Variants in GNAS observed in about 807,000 individuals in gnomAD.
The protein encoded by GNAS is GNAS complex locus.
A neutral mutation model predicts 54.5 loss-of-function variants in GNAS; 8 were observed. The ratio of observed to expected loss-of-function variants is 0.15; its 90% CI spans 0.09 to 0.26. GNAS has a LOEUF of 0.26. Ranked by LOEUF, GNAS falls within the 10% of genes least tolerant of loss-of-function variation. The probability of loss-of-function intolerance (pLI) is 1.00; values close to 1 mark genes in which losing one functional copy is unlikely to be tolerated. For missense variants in GNAS, 170 were observed against 529.8 expected, an observed-to-expected ratio of 0.32 and a Z score of 6.67; for synonymous variants, 204 against 191.4, an observed-to-expected ratio of 1.07 and a Z score of -0.54.
intron 2 of GNAS, among the ~76,000 whole-genome samples, chr20:58,897,033 A>T (rs1448653464): frequency 6.6e-6 from 1 of 152,258 alleles, no homozygotes; most frequent in African/African-American, 2.4e-5. Flanking sequence ...TTAGAGAAGG[A>T]TGACATCACC....
At chr20:58,889,518 T>C (rs1244680803), upstream of GNAS, 1 of 203,868 alleles carries the variant, frequency 4.9e-6, no homozygotes, top group African/African-American at 2.4e-5. Context: ...TCCATTGGCG[T>C]GCCCAAGAGC....
At position 58,841,334 on chromosome 20, in the gene GNAS, G is replaced by C; in HGVS notation, c.43+448G>C. 1 of 1,059,894 alleles carries C rather than the reference G, an allele frequency of 9.4e-7. No homozygotes were observed. The highest frequency in any genetic ancestry group is 1.1e-6 in the Non-Finnish European group (1 of 876,042). The allele number at this position is 1,059,894 out of a possible 1,614,324, so 65.7% of individuals were successfully genotyped here. On this transcript the variant is annotated intron_variant, in intron 1 of 12. Transcript: ENST00000306090. This position sits in a 1 kb window ranked among gnomAD's most constrained non-coding sequence, Gnocchi z 5.0. ...CGGAGGTGCGCGCGCCAACTTTCACGATGTGAGAGCAGCCGCGCTGTAGAG... is the reference window on the plus strand; with the variant it reads ...CGGAGGTGCGCGCGCCAACTTTCACCATGTGAGAGCAGCCGCGCTGTAGAG...
chr20:58,847,315 T>C (rs181128471), intron 1 of GNAS, among the ~76,000 whole-genome samples: 1 of 152,218 alleles, frequency 6.6e-6, no homozygotes, highest in African/African-American at 2.4e-5. Context: ...TTTTTTCCTT[T>C]AGCTGGCATT....
At position 58,873,666 on chromosome 20, in the gene GNAS, C is replaced by G. The variant is rs2087609161; in HGVS notation, c.44-21946C>G. 6.6e-6 allele frequency among the ~76,000 whole-genome samples: 1 copy of G among 152,184 alleles called. No homozygotes were observed. Among genetic ancestry groups the G allele is most frequent in the South Asian group, 2.1e-4 (1 of 4,828 alleles). On this transcript the variant is annotated intron_variant, in intron 1 of 12. Coordinates refer to the GNAS transcript ENST00000306090. This position sits in a 1 kb window ranked among gnomAD's most constrained non-coding sequence, Gnocchi z 4.3. ...CGCCCCTTAGAAGGACGAATCCTTG[C>G]CTGGTCGGTGAGTTTGCCTCAATTC...
Position 58,855,718 on chromosome 20 carries a change from G to A in GNAS, c.43+14832G>A, listed in dbSNP as rs947714777. The stretch of plus-strand genomic sequence containing the variant: ...TGGCTAGGCTGGTGGGGTCCACGGT[G>A]GGCTGGGGTCATTGGGGAAGGCGCG... On this transcript the variant is annotated intron_variant, in intron 1 of 12. Transcript: ENST00000306090. 47 of 634,984 alleles carry A rather than the reference G, an allele frequency of 7.4e-5. No homozygotes were observed. The Admixed American group carries it at 1.0e-3, about 14-fold the overall frequency. The allele number at this position is 634,984 out of a possible 1,614,324, so 39.3% of individuals were successfully genotyped here. A position where few individuals can be genotyped will look rare whatever the true frequency, so the allele number is the denominator to read the frequency against.
Position 58,910,939 on chromosome 20 carries a change from C to CT in GNAS, c.*113dup. On this transcript the variant is annotated 3_prime_UTR_variant, in exon 13 of 13. Transcript: ENST00000371085. The surrounding 1 kb of genome is among the most constrained non-coding windows in gnomAD (Gnocchi z 5.8). ...CATAGGGCATGATTAACAAAGCAAC[C>CT]TTTCCCTTCCCCCGAGTGATTTTGC... The CT allele has an allele frequency of 9.3e-7, 1 of 1,080,372 alleles. No homozygotes were observed. Among genetic ancestry groups the CT allele is most frequent in the Non-Finnish European group, 1.4e-6 (1 of 715,420 alleles). 66.9% of individuals were successfully genotyped at this position (1,080,372 alleles called of 1,614,324 possible).
intron 1 of GNAS, among the ~76,000 whole-genome samples, chr20:58,860,120 T>C (rs73306261): frequency 5.8e-4 from 89 of 152,376 alleles, no homozygotes; most frequent in African/African-American, 1.9e-3. Flanking sequence ...CTTTCTGAAT[T>C]ATAGCAAAAC....
chr20:58,850,619 C>T (rs1257441284), intron 1 of GNAS: 1 of 399,030 alleles, frequency 2.5e-6, no homozygotes, highest in Non-Finnish European at 4.4e-6. Context: ...CCTTGGGGTC[C>T]TGGCCCTCTA....
chr20:58,890,150 G>A (rs1168828475), upstream of GNAS, among the ~76,000 whole-genome samples: 1 of 151,892 alleles, frequency 6.6e-6, no homozygotes, highest in South Asian at 2.1e-4. Flanking sequence ...AGAGGCGAAA[G>A]GAGGAGAAGA....
At chr20:58,842,046 G>C (rs528475197) in intron 1 of GNAS, 2 of 542,016 alleles carry the variant, frequency 3.7e-6, no homozygotes, top group Non-Finnish European at 5.6e-6. Context: ...CGGCGGCTCC[G>C]GCAGCCTTGG....
chr20:58,899,720 C>T (rs767264634), intron 3 of GNAS, among the ~76,000 whole-genome samples: 1 of 151,786 alleles, frequency 6.6e-6, no homozygotes, highest in Non-Finnish European at 1.5e-5. Flanking sequence ...GCACACACAG[C>T]CACACGCGCC....
rs1365360358 is a variant in GNAS, at chr20:58,910,267, G to A, written c.971-67G>A. ...GGTTTTGAAGACTTCAGGAGCTACA[G>A]AGATGCTAGCACCCCAGCTCTGCTT... On this transcript the variant is annotated intron_variant, in intron 11 of 12. Coordinates refer to ENST00000371085, the MANE Select transcript of GNAS (RefSeq NM_000516.7). This position sits in a 1 kb window ranked among gnomAD's most constrained non-coding sequence, Gnocchi z 5.8. 1 of 1,329,420 alleles carries A rather than the reference G, an allele frequency of 7.5e-7. No homozygotes were observed. Among genetic ancestry groups the A allele is most frequent in the Non-Finnish European group, 1.1e-6 (1 of 919,916 alleles). The allele number at this position is 1,329,420 out of a possible 1,614,324, so 82.4% of individuals were successfully genotyped here.
intron 2 of GNAS, among the ~76,000 whole-genome samples, chr20:58,897,240 CCCCTCGATAAAG>C (rs1214727930): frequency 6.6e-6 from 1 of 152,186 alleles, no homozygotes. Context: ...TCTTGACACA[CCCCTCGATAAAG>C]CCCTGCCAGC....
At position 58,863,528 on chromosome 20, in the gene GNAS, CTGTG is replaced by C; in HGVS notation, c.43+22647_43+22650del. 1 of 152,242 alleles carries C rather than the reference CTGTG, an allele frequency of 6.6e-6. No homozygotes were observed. The highest frequency in any genetic ancestry group is 1.9e-4 in the East Asian group (1 of 5,178). 9.4% of individuals were successfully genotyped at this position (152,242 alleles called of 1,614,324 possible). A position where few individuals can be genotyped will look rare whatever the true frequency, so the allele number is the denominator to read the frequency against. ...TGTTTCCGACATTGTCACACACACA[CTGTG>C]TGTGGGACAGAGTAAGTACTTTTAA... is the stretch of plus-strand genomic sequence containing the variant. On this transcript the variant is annotated intron_variant, in intron 1 of 12. Coordinates refer to the GNAS transcript ENST00000306090. The surrounding 1 kb of genome is among the most constrained non-coding windows in gnomAD (Gnocchi z 4.1).
At chr20:58,859,013 A>T (rs554353052) in intron 1 of GNAS, among the ~76,000 whole-genome samples, 7 of 152,272 alleles carry the variant, frequency 4.6e-5, no homozygotes, top group African/African-American at 7.2e-5. Context: ...CTCAAAAAAA[A>T]TTTTCCCATA....
chr20:58,855,357 G>C (rs1444337257), intron 1 of GNAS: 1 of 1,551,484 alleles, frequency 6.4e-7, no homozygotes. Context: ...CTCTGCCTGC[G>C]GGCAGCAGGG....
At position 58,856,343 on chromosome 20, in the gene GNAS, G is replaced by C. The variant is rs1256714910; in HGVS notation, c.43+15457G>C. ...CAAGTCCGGATCCCAAACCACTTGG[G>C]GGCTGGTTCCAAGGGGGTGGGCGTG... On this transcript the variant is annotated intron_variant, in intron 1 of 12. Transcript: ENST00000306090. The surrounding 1 kb of genome is among the most constrained non-coding windows in gnomAD (Gnocchi z 4.2). The C allele has an allele frequency of 6.6e-6, 1 of 152,650 alleles. No homozygotes were observed. Among genetic ancestry groups the C allele is most frequent in the Non-Finnish European group, 1.5e-5 (1 of 68,118 alleles). The allele number at this position is 152,650 out of a possible 1,614,324, so 9.5% of individuals were successfully genotyped here.
At chr20:58,881,013 TAATTC>T (rs2088191162) in intron 1 of GNAS, among the ~76,000 whole-genome samples, 1 of 152,264 alleles carries the variant, frequency 6.6e-6, no homozygotes, top group African/African-American at 2.4e-5. Flanking sequence ...ATTAAAATAT[TAATTC>T]GATTTGGGGA....
At position 58,854,885 on chromosome 20, in the gene GNAS, G is replaced by T. The variant is rs1282165311; in HGVS notation, c.43+13999G>T. 3.6e-5 allele frequency: 57 copies of T among 1,593,636 alleles called. No homozygotes were observed. In the Admixed American group the frequency reaches 9.1e-4, roughly 25 times the overall value. Reference sequence around the variant, plus strand: ...GCCCCGAGATCCAGGCTGCCGATCCGCCTACTCCGCGGCCTACTCGCGCGT... The same window carrying T: ...GCCCCGAGATCCAGGCTGCCGATCCTCCTACTCCGCGGCCTACTCGCGCGT... On this transcript the variant is annotated intron_variant, in intron 1 of 12. Transcript: ENST00000306090.
Sources: gnomAD v4.1 joint callset for allele counts (sites outside exome capture counted in the v4.1 genomes callset) on GRCh38, gnomAD v4.1.1 for gene constraint, Gnocchi (gnomAD v3.1) non-coding constraint, MANE v1.5 for transcripts, NCBI Gene and HGNC (gene_info 2026-07-23, HGNC 2026-07-21) for gene names.